Variants in SLC39A11 observed in about 807,000 individuals in gnomAD.
SLC39A11 encodes solute carrier family 39 member 11, also known as zinc transporter ZIP11.
SLC39A11 carries 33 observed loss-of-function variants against 36.1 expected under a neutral mutation model. The observed-to-expected ratio is 0.91, with a 90% CI of 0.69 to 1.22. The LOEUF (loss-of-function observed/expected upper bound fraction) is 1.22. SLC39A11 is among the 50% of genes most tolerant of loss of function. The pLI, the probability that SLC39A11 is intolerant of heterozygous loss-of-function variation, is 0.00. For synonymous variants in SLC39A11, 166 were observed against 170.3 expected, an observed-to-expected ratio of 0.97 and a Z score of 0.20; for missense variants, 432 against 430.3, an observed-to-expected ratio of 1.00 and a Z score of -0.03.
At chr17:72,749,798 T>A (rs74472195) in intron 6 of SLC39A11, among the ~76,000 whole-genome samples, 3,377 of 152,152 alleles carry the variant, frequency 0.022, 123 homozygotes, top group African/African-American at 0.077. Context: ...AGGAAAATGC[T>A]GCCTCTGAGG....
At chr17:72,652,511 C>T (rs574469437) in intron 7 of SLC39A11, among the ~76,000 whole-genome samples, 1 of 152,280 alleles carries the variant, frequency 6.6e-6, no homozygotes, top group East Asian at 1.9e-4. Context: ...CACACGGGAG[C>T]TAGTATGCAG....
At chr17:72,882,859 C>T (rs1429384088) in intron 5 of SLC39A11, among the ~76,000 whole-genome samples, 5 of 140,366 alleles carry the variant, frequency 3.6e-5, no homozygotes, top group Non-Finnish European at 7.5e-5. Context: ...TGCAATGGCG[C>T]GATCTCAGCT....
chr17:73,068,495 C>T (rs2060065518), intron 3 of SLC39A11, among the ~76,000 whole-genome samples: 1 of 152,188 alleles, frequency 6.6e-6, no homozygotes, highest in Admixed American at 6.5e-5. Flanking sequence ...CAAACTCACT[C>T]AAACAAGACA....
chr17:72,738,321 T>A (rs778487923), intron 6 of SLC39A11, among the ~76,000 whole-genome samples: 5 of 152,172 alleles, frequency 3.3e-5, no homozygotes, highest in Non-Finnish European at 5.9e-5. Context: ...CATTTTTATA[T>A]GACTGCTCTT....
intron 4 of SLC39A11, among the ~76,000 whole-genome samples, chr17:72,983,911 T>C (rs923143999): frequency 6.6e-6 from 1 of 152,156 alleles, no homozygotes; most frequent in African/African-American, 2.4e-5. Context: ...GAAGTGGGGA[T>C]CTGTGAAATC....
chr17:72,872,799 G>C (rs965177764), intron 5 of SLC39A11, among the ~76,000 whole-genome samples: 1 of 152,242 alleles, frequency 6.6e-6, no homozygotes, highest in South Asian at 2.1e-4. Context: ...GCTCATGCCT[G>C]TAATCCCAGC....
intron 4 of SLC39A11, among the ~76,000 whole-genome samples, chr17:72,957,224 T>C (rs1016764969): frequency 6.6e-6 from 1 of 152,124 alleles, no homozygotes; most frequent in South Asian, 2.1e-4. Context: ...CATTGAAGGG[T>C]TGGATGAATC....
At chr17:72,972,822 C>G (rs1401597782) in intron 4 of SLC39A11, among the ~76,000 whole-genome samples, 1 of 152,156 alleles carries the variant, frequency 6.6e-6, no homozygotes, top group Non-Finnish European at 1.5e-5. Flanking sequence ...ATTTAGTTGT[C>G]TGGCCTCCTG....
chr17:72,804,179 G>A (rs1276961969), intron 6 of SLC39A11, among the ~76,000 whole-genome samples: 1 of 152,126 alleles, frequency 6.6e-6, no homozygotes, highest in African/African-American at 2.4e-5. Context: ...TGTATTTTTA[G>A]TAGAGACGGG....
intron 5 of SLC39A11, among the ~76,000 whole-genome samples, chr17:72,931,482 C>T (rs1354791183): frequency 6.6e-6 from 1 of 152,174 alleles, no homozygotes; most frequent in African/African-American, 2.4e-5. Context: ...TCCCCATCTC[C>T]AAGATCTCAG....
chr17:72,882,716 AACACCTG>A (rs2081255921), intron 5 of SLC39A11, among the ~76,000 whole-genome samples: 1 of 152,048 alleles, frequency 6.6e-6, no homozygotes, highest in South Asian at 2.1e-4. Context: ...CAAGGAAAGT[AACACCTG>A]ACTTCAGCAG....
At chr17:73,018,532 G>A (rs114095971) in intron 4 of SLC39A11, among the ~76,000 whole-genome samples, 344 of 151,768 alleles carry the variant, frequency 2.3e-3, no homozygotes, top group East Asian at 0.022. Context: ...TGGGAAACAC[G>A]GCAAGACTCC....
intron 4 of SLC39A11, among the ~76,000 whole-genome samples, chr17:73,000,969 C>A (rs761566019): frequency 6.6e-6 from 1 of 152,074 alleles, no homozygotes; most frequent in African/African-American, 2.4e-5. Flanking sequence ...CTGTGGCAGC[C>A]GTAATTCATT....
At chr17:72,663,403 G>A (rs926609231) in intron 7 of SLC39A11, among the ~76,000 whole-genome samples, 6 of 152,102 alleles carry the variant, frequency 3.9e-5, no homozygotes, top group Admixed American at 1.3e-4. Flanking sequence ...ACAGGATAAC[G>A]TTTCAGAAAC....
chr17:72,947,696 C>T (rs754858103), intron 5 of SLC39A11, 56 bp downstream of exon 5: 8 of 1,611,526 alleles, frequency 5.0e-6, no homozygotes, highest in Non-Finnish European at 6.8e-6. Context: ...TCCATATTGC[C>T]TGACTCAGCT....
chr17:72,939,792 G>T (rs955043292), intron 5 of SLC39A11, among the ~76,000 whole-genome samples: 1 of 152,146 alleles, frequency 6.6e-6, no homozygotes, highest in East Asian at 1.9e-4. Context: ...AAGGGAATAC[G>T]TTTCTGCTGT....
At chr17:73,008,436 G>A (rs1046971707) in intron 4 of SLC39A11, among the ~76,000 whole-genome samples, 4 of 152,248 alleles carry the variant, frequency 2.6e-5, no homozygotes, top group South Asian at 2.1e-4. Flanking sequence ...TGCCCGTGCC[G>A]ACTGCCCAAG....
intron 6 of SLC39A11, among the ~76,000 whole-genome samples, chr17:72,770,642 G>T (rs1008821018): frequency 6.6e-6 from 1 of 152,146 alleles, no homozygotes; most frequent in Admixed American, 6.5e-5. Context: ...ATCTCATGCA[G>T]GTCTAATCCC....
intron 4 of SLC39A11, among the ~76,000 whole-genome samples, chr17:73,000,350 GCCT>G (rs1403300180): frequency 6.8e-6 from 1 of 146,052 alleles, no homozygotes; most frequent in African/African-American, 2.6e-5. Context: ...CTCTCTCTCT[GCCT>G]CCTCCTCATC....
Sources: gnomAD v4.1 joint callset for allele counts (sites outside exome capture counted in the v4.1 genomes callset) on GRCh38, gnomAD v4.1.1 for gene constraint, MANE v1.5 for transcripts, NCBI Gene and HGNC (gene_info 2026-07-23, HGNC 2026-07-21) for gene names.